WDFY3: variants seen among roughly 807,000 people sequenced by gnomAD.
WDFY3 encodes WD repeat and FYVE domain containing 3.
In WDFY3, 66 loss-of-function variants were observed where a neutral mutation model predicts 409.6. That is an observed-to-expected ratio of 0.16 (90% CI 0.13 to 0.20). The LOEUF (loss-of-function observed/expected upper bound fraction) is 0.20, where lower values mean the gene tolerates loss of function less well. Ranked by LOEUF, WDFY3 falls within the 10% of genes least tolerant of loss-of-function variation. The probability of loss-of-function intolerance (pLI) is 1.00; values close to 1 mark genes in which losing one functional copy is unlikely to be tolerated. For synonymous variants in WDFY3, 1,521 were observed against 1,537.1 expected, an observed-to-expected ratio of 0.99 and a Z score of 0.25; for missense variants, 3,031 against 4,298.1, an observed-to-expected ratio of 0.71 and a Z score of 8.24.
chr4:84,885,718 C>T (rs1034277986), intron 3 of WDFY3, among the ~76,000 whole-genome samples: 9 of 152,154 alleles, frequency 5.9e-5, no homozygotes, highest in African/African-American at 2.2e-4. Flanking sequence ...CAAAATGCCA[C>T]GTTGCACCTA....
intron 32 of WDFY3, among the ~76,000 whole-genome samples, chr4:84,763,594 A>C (rs1018956528): frequency 4.6e-5 from 7 of 151,992 alleles, no homozygotes; most frequent in Admixed American, 1.3e-4. Context: ...AAAACCAATA[A>C]ATGTGAATAA....
chr4:84,720,526 A>C (rs1204645995), intron 47 of WDFY3, among the ~76,000 whole-genome samples: 1 of 152,160 alleles, frequency 6.6e-6, no homozygotes, highest in Non-Finnish European at 1.5e-5. Context: ...TGTCTGGGTC[A>C]TGGGGGTGGG....
intron 1 of WDFY3, among the ~76,000 whole-genome samples, chr4:84,960,174 T>C (rs1398845447): frequency 2.6e-5 from 4 of 152,332 alleles, no homozygotes; most frequent in Admixed American, 6.5e-5. Flanking sequence ...ATAATATTCC[T>C]GATATGTTTG....
intron 45 of WDFY3, among the ~76,000 whole-genome samples, chr4:84,726,084 T>C (rs1417791114): frequency 6.6e-6 from 1 of 152,098 alleles, no homozygotes; most frequent in Non-Finnish European, 1.5e-5. Context: ...AGGTCGTAGA[T>C]TTTGTACCAT....
rs1560740580 is a variant in WDFY3 at position 84,780,203 on chromosome 4, C to T, written c.4270G>A (p.Val1424Met). 1 of 1,613,994 alleles carries T rather than the reference C, an allele frequency of 6.2e-7. No homozygotes were observed. Among genetic ancestry groups the T allele is most frequent in the Middle Eastern group, 1.7e-4 (1 of 6,058 alleles). ...ILGLVAMASD[V>M]EGLYAAVKAL... Reference sequence around the variant, plus strand: ...TTGACTGCTGCATATAACCCTTCCACATCAGAGGCCATGGCCACCAGGCCC... The same window carrying T: ...TTGACTGCTGCATATAACCCTTCCATATCAGAGGCCATGGCCACCAGGCCC... The change falls in exon 26 of 68, where the codon GTG becomes ATG. Residue 1424 changes from valine (V) to methionine (M), a missense_variant. Transcript: ENST00000295888.
chr4:84,806,494 C>A (rs1751525175), intron 15 of WDFY3, among the ~76,000 whole-genome samples: 1 of 152,112 alleles, frequency 6.6e-6, no homozygotes, highest in South Asian at 2.1e-4. Context: ...CTACATGGAG[C>A]TACACTGTAA....
intron 2 of WDFY3, among the ~76,000 whole-genome samples, chr4:84,915,088 G>T (rs553864943): frequency 6.6e-6 from 1 of 152,202 alleles, no homozygotes; most frequent in East Asian, 1.9e-4. Flanking sequence ...GACCAATATT[G>T]TATGATCATA....
intron 15 of WDFY3, among the ~76,000 whole-genome samples, chr4:84,807,362 A>C (rs1387461457): frequency 6.6e-6 from 1 of 152,222 alleles, no homozygotes; most frequent in African/African-American, 2.4e-5. Flanking sequence ...GTGTAAATTT[A>C]AGAGAAAAAT....
chr4:84,771,852 T>C (rs1224219897), intron 30 of WDFY3, among the ~76,000 whole-genome samples: 2 of 152,226 alleles, frequency 1.3e-5, no homozygotes, highest in Non-Finnish European at 2.9e-5. Flanking sequence ...TCTAAATGAA[T>C]TGGCAGTAGG....
rs754265906 is a variant in WDFY3 at position 84,837,050 on chromosome 4, G to A, written c.455C>T (p.Thr152Ile). ...DCMTTMSVPSTLVKCLYLFFD... is the reference protein window; with the variant it reads ...DCMTTMSVPSILVKCLYLFFD... Reference sequence around the variant, plus strand: ...AAACAGATATAAACATTTAACCAGGGTGGAAGGCACTGACATTGTTGTCAT... The same window carrying A: ...AAACAGATATAAACATTTAACCAGGATGGAAGGCACTGACATTGTTGTCAT... Residue 152 changes from threonine to isoleucine, a missense_variant, in exon 7 of 68, where the codon ACC (threonine) becomes ATC (isoleucine). Thr to Ile is a moderately conservative substitution (Grantham distance 89). Around this residue, in one of 16 missense-constraint regions of WDFY3, gnomAD observed 1,322 missense variants for 1,697.9 expected, o/e 0.78. Coordinates refer to ENST00000295888, the MANE Select transcript of WDFY3 (RefSeq NM_014991.6). 2 of 1,586,204 alleles carry A rather than the reference G, an allele frequency of 1.3e-6. No homozygotes were observed. The highest frequency in any genetic ancestry group is 1.7e-6 in the Non-Finnish European group (2 of 1,166,290).
intron 13 of WDFY3, among the ~76,000 whole-genome samples, chr4:84,817,086 A>G (rs924822130): frequency 1.3e-5 from 2 of 152,208 alleles, no homozygotes; most frequent in African/African-American, 4.8e-5. Context: ...CTATGAGTGA[A>G]TTTAACTGAT....
chr4:84,807,030 A>G (rs986255909), intron 15 of WDFY3, among the ~76,000 whole-genome samples: 1 of 152,210 alleles, frequency 6.6e-6, no homozygotes, highest in Non-Finnish European at 1.5e-5. Context: ...CTCATTTATG[A>G]TATAATCACC....
intron 36 of WDFY3, among the ~76,000 whole-genome samples, chr4:84,746,064 T>C (rs934351343): frequency 6.6e-6 from 1 of 151,538 alleles, no homozygotes; most frequent in East Asian, 2.0e-4. Context: ...TCCCAGTATT[T>C]TGGGAGGCTA....
chr4:84,741,520 G>A (rs529537864), intron 38 of WDFY3, among the ~76,000 whole-genome samples: 12 of 152,154 alleles, frequency 7.9e-5, no homozygotes, highest in African/African-American at 2.7e-4. Flanking sequence ...TCACCATGTC[G>A]GTCAGGCTGG....
intron 63 of WDFY3, 126 bp downstream of exon 63, chr4:84,683,817 G>C: frequency 1.0e-6 from 1 of 992,988 alleles, no homozygotes; most frequent in South Asian, 1.8e-5. Context: ...AGGCCTGTCT[G>C]AGCTGGAGCG....
intron 44 of WDFY3, among the ~76,000 whole-genome samples, chr4:84,729,939 A>C (rs1427944166): frequency 6.6e-6 from 1 of 152,178 alleles, no homozygotes; most frequent in Non-Finnish European, 1.5e-5. Context: ...ATTCTATCAC[A>C]AAAAGTACTG....
Position 84,850,026 on chromosome 4 carries a change from CTG to C in WDFY3, c.181-3_181-2del. ...TATTCGGCGGAGCATTTCCAAAAAC[CTG>C]TAGATAAGAAAAGACATTGTTAATG... On this transcript the variant is annotated splice_acceptor_variant and splice_polypyrimidine_tract_variant and intron_variant, in intron 4 of 67. Transcript: ENST00000295888. LOFTEE classifies it high-confidence loss of function. The C allele has an allele frequency of 6.3e-7, 1 of 1,577,782 alleles. No homozygotes were observed. Among genetic ancestry groups the C allele is most frequent in the Non-Finnish European group, 8.6e-7 (1 of 1,164,998 alleles).
At chr4:84,905,667 T>C (rs1438510123) in intron 2 of WDFY3, among the ~76,000 whole-genome samples, 1 of 152,236 alleles carries the variant, frequency 6.6e-6, no homozygotes, top group Non-Finnish European at 1.5e-5. Flanking sequence ...CTATAGTATG[T>C]AACTTTAAAA....
chr4:84,731,422 G>A (rs1246902313), intron 44 of WDFY3, among the ~76,000 whole-genome samples: 1 of 152,124 alleles, frequency 6.6e-6, no homozygotes, highest in Non-Finnish European at 1.5e-5. Context: ...TTTCATCATA[G>A]CAGATTAATC....
Sources: gnomAD v4.1 joint callset for allele counts (sites outside exome capture counted in the v4.1 genomes callset) on GRCh38, gnomAD v4.1.1 for gene constraint, gnomAD v4.1.1 regional missense constraint, MANE v1.5 for transcripts, NCBI Gene and HGNC (gene_info 2026-07-23, HGNC 2026-07-21) for gene names.